PTPRN2: variants seen among roughly 807,000 people sequenced by gnomAD.
The protein encoded by PTPRN2 is receptor-type tyrosine-protein phosphatase N2.
Under a neutral mutation model 118.8 loss-of-function variants are expected in PTPRN2, and 74 were observed. The observed-to-expected ratio is 0.62, with a 90% CI of 0.52 to 0.76. The LOEUF is 0.76. Among genes scored for constraint, PTPRN2 ranks in the 30% least tolerant of loss-of-function variants. PTPRN2 has a pLI of 0.00. For missense variants in PTPRN2, 1,481 were observed against 1,394.4 expected (o/e 1.06, Z -0.99); for synonymous variants, 641 against 608.0 (o/e 1.05, Z -0.80).
rs1168545794 is a variant in PTPRN2 at position 157,578,126 on chromosome 7, G to A, written c.2511C>T (p.Ser837=). ...TCAGCATGACGATCACCACGCAGCCGCTCTCCCACACCATCTGCGGACAAA... is the reference window on the plus strand; with the variant it reads ...TCAGCATGACGATCACCACGCAGCCACTCTCCCACACCATCTGCGGACAAA... The part of the protein sequence containing the change: ...VADFWQMVWE[S]GCVVIVMLTP... Residue 837 remains serine (S), a synonymous_variant, in exon 18 of 23, where the codon AGC becomes AGT. Transcript: ENST00000389418. 4 of 1,611,262 alleles carry A rather than the reference G, an allele frequency of 2.5e-6. No homozygotes were observed. The highest frequency in any genetic ancestry group is 2.2e-5 in the East Asian group (1 of 44,844).
chr7:157,620,416 T>C (rs1402568373), intron 15 of PTPRN2, among the ~76,000 whole-genome samples: 1 of 152,182 alleles, frequency 6.6e-6, no homozygotes, highest in Non-Finnish European at 1.5e-5. Flanking sequence ...CTGGCAGTGA[T>C]CCCTAGCTAG....
rs73163812 is a variant in PTPRN2, at chr7:157,587,302, G to A, written c.2496+7936C>T. Among the ~76,000 whole-genome samples the A allele has an allele frequency of 0.25, 38,212 of 151,992 alleles. 5,775 individuals carry two copies. The highest frequency in any genetic ancestry group is 0.45 in the Middle Eastern group (131 of 294). On this transcript the variant is annotated intron_variant, in intron 17 of 22. Coordinates refer to ENST00000389418, the MANE Select transcript of PTPRN2 (RefSeq NM_002847.5). The surrounding 1 kb of genome is among the most constrained non-coding windows in gnomAD (Gnocchi z 5.3). ...GACAGGCAGACGAGCCACTGGTGCC[G>A]GGTGGTGGGCGGCCCTGCACGGTGA...
chr7:158,564,080 T>A (rs1258796936), intron 1 of PTPRN2, among the ~76,000 whole-genome samples: 1 of 152,190 alleles, frequency 6.6e-6, no homozygotes, highest in Non-Finnish European at 1.5e-5. Flanking sequence ...CAGCTCTGGA[T>A]CTGAGTTAAC....
intron 9 of PTPRN2, among the ~76,000 whole-genome samples, chr7:158,130,731 C>T (rs539654426): frequency 7.3e-4 from 110 of 150,940 alleles, no homozygotes; most frequent in African/African-American, 2.4e-3. Context: ...CATGCACATA[C>T]GCACAAACCA....
intron 2 of PTPRN2, among the ~76,000 whole-genome samples, chr7:158,340,994 A>C (rs200870214): frequency 5.9e-5 from 4 of 67,954 alleles, no homozygotes; most frequent in Admixed American, 1.6e-4. Flanking sequence ...CACTCTCACC[A>C]TAAGAGGTGA....
chr7:157,745,706 G>A (rs527549682), intron 12 of PTPRN2, among the ~76,000 whole-genome samples: 15 of 152,282 alleles, frequency 9.9e-5, no homozygotes, highest in Admixed American at 5.2e-4. Context: ...CTCCAGAACC[G>A]TGTGGATAAA....
intron 3 of PTPRN2, among the ~76,000 whole-genome samples, chr7:158,285,425 G>A (rs1009449705): frequency 1.1e-4 from 16 of 152,128 alleles, no homozygotes; most frequent in East Asian, 1.9e-4. Context: ...ATGTGCCCAC[G>A]CCGGCTTCAA....
At chr7:158,091,912 A>C (rs1037037072) in intron 10 of PTPRN2, among the ~76,000 whole-genome samples, 6 of 110,630 alleles carry the variant, frequency 5.4e-5, no homozygotes, top group Non-Finnish European at 1.8e-5. Flanking sequence ...GGATGGGTAG[A>C]GAGATGGTTG....
chr7:158,006,540 C>A (rs2128864812), intron 11 of PTPRN2, among the ~76,000 whole-genome samples: 1 of 152,342 alleles, frequency 6.6e-6, no homozygotes, highest in Non-Finnish European at 1.5e-5. Flanking sequence ...GAGGGAAGAG[C>A]CGCCCGGGAT....
intron 6 of PTPRN2, among the ~76,000 whole-genome samples, chr7:158,149,230 G>A (rs528076787): frequency 6.6e-4 from 99 of 150,850 alleles, no homozygotes; most frequent in Middle Eastern, 3.5e-3. Context: ...TGCTCTCCAA[G>A]CTGGCACCAA....
chr7:158,320,334 G>A (rs1183225796), intron 2 of PTPRN2, among the ~76,000 whole-genome samples: 4 of 152,176 alleles, frequency 2.6e-5, no homozygotes, highest in South Asian at 2.1e-4. Context: ...GTAGGAAACC[G>A]CCAAACTGTC....
Position 158,406,271 on chromosome 7 carries a change from T to C in PTPRN2, c.163+83464A>G, listed in dbSNP as rs1258602420. Among the ~76,000 whole-genome samples the C allele has an allele frequency of 6.2e-4, 72 of 116,118 alleles. 1 individual carries two copies. Among genetic ancestry groups the C allele is most frequent in the Non-Finnish European group, 8.6e-4 (47 of 54,766 alleles). The allele number at this position is 116,118 out of a possible 152,430, so 76.2% of individuals were successfully genotyped here. A position where few individuals can be genotyped will look rare whatever the true frequency, so the allele number is the denominator to read the frequency against. On this transcript the variant is annotated intron_variant, in intron 2 of 22. Coordinates refer to ENST00000389418, the MANE Select transcript of PTPRN2 (RefSeq NM_002847.5). ...GTGGCTCATCCGTGAGACATTTGGC[T>C]GCACACTGAGATCCCGGTGGCTCAT... is the stretch of plus-strand genomic sequence containing the variant.
intron 11 of PTPRN2, chr7:158,028,658 G>A (rs922112870): frequency 3.3e-5 from 5 of 152,306 alleles, no homozygotes; most frequent in South Asian, 2.1e-4. Context: ...ATATTTAACT[G>A]TCAGAAGGAA....
At chr7:158,326,407 G>A (rs1803524691) in intron 2 of PTPRN2, among the ~76,000 whole-genome samples, 3 of 152,348 alleles carry the variant, frequency 2.0e-5, no homozygotes, top group East Asian at 1.9e-4. Flanking sequence ...GCCAGGAGAC[G>A]AGACACTGCT....
chr7:157,774,752 G>A (rs552736487), intron 12 of PTPRN2, among the ~76,000 whole-genome samples: 67 of 152,280 alleles, frequency 4.4e-4, no homozygotes, highest in Non-Finnish European at 8.1e-4. Context: ...GGAGGTCTTC[G>A]AGTCAACAAT....
intron 22 of PTPRN2, among the ~76,000 whole-genome samples, chr7:157,543,108 G>A (rs760126175): frequency 2.6e-5 from 4 of 152,186 alleles, no homozygotes; most frequent in Admixed American, 6.5e-5. Flanking sequence ...TATGATAGGA[G>A]TTTATTTCAA....
At chr7:157,998,574 G>A (rs193011888) in intron 11 of PTPRN2, among the ~76,000 whole-genome samples, 1 of 152,304 alleles carries the variant, frequency 6.6e-6, no homozygotes, top group East Asian at 1.9e-4. Flanking sequence ...TGTAATCCCA[G>A]CACTTTAGGA....
chr7:158,336,552 C>T (rs1805577914), intron 2 of PTPRN2, among the ~76,000 whole-genome samples: 1 of 145,930 alleles, frequency 6.9e-6, no homozygotes, highest in African/African-American at 2.6e-5. Context: ...ACGTCACTCA[C>T]ACCCACACTC....
chr7:158,424,328 T>A (rs556538072), intron 2 of PTPRN2, among the ~76,000 whole-genome samples: 3 of 152,212 alleles, frequency 2.0e-5, no homozygotes, highest in African/African-American at 7.2e-5. Flanking sequence ...CCAGCTGTAA[T>A]GGAATTCCGT....
Sources: allele counts gnomAD v4.1 joint callset (sites outside exome capture counted in the v4.1 genomes callset), GRCh38; gene constraint gnomAD v4.1.1; non-coding constraint Gnocchi (gnomAD v3.1); transcripts MANE v1.5; gene names NCBI Gene and HGNC (gene_info 2026-07-23, HGNC 2026-07-21).